SYT9: variants seen among roughly 807,000 people sequenced by gnomAD.
SYT9 encodes synaptotagmin-9.
SYT9 carries 22 observed loss-of-function variants against 48.4 expected under a neutral mutation model. The observed-to-expected ratio is 0.45, with a 90% CI of 0.32 to 0.65. The LOEUF (loss-of-function observed/expected upper bound fraction) is 0.65. Ranked by LOEUF, SYT9 falls within the 30% of genes least tolerant of loss-of-function variation. SYT9 has a pLI of 0.03. For synonymous variants in SYT9, 265 were observed against 245.0 expected, an observed-to-expected ratio of 1.08 and a Z score of -0.76; for missense variants, 577 against 622.0, an observed-to-expected ratio of 0.93 and a Z score of 0.77.
At chr11:7,400,819 A>G (rs180693399) in intron 3 of SYT9, among the ~76,000 whole-genome samples, 126 of 152,224 alleles carry the variant, frequency 8.3e-4, no homozygotes, top group African/African-American at 2.9e-3. Flanking sequence ...TCACCTAAAT[A>G]AAAAACAGTG....
chr11:7,399,782 G>A (rs562476525), intron 3 of SYT9, among the ~76,000 whole-genome samples: 9 of 147,382 alleles, frequency 6.1e-5, no homozygotes, highest in Admixed American at 1.4e-4. Context: ...TAAACTTGCC[G>A]TCACAGGCAA....
chr11:7,320,789 A>G (rs952011202), intron 3 of SYT9, among the ~76,000 whole-genome samples: 1 of 152,234 alleles, frequency 6.6e-6, no homozygotes, highest in Admixed American at 6.5e-5. Context: ...TGTAAAAATG[A>G]TGGTGTAATT....
intron 6 of SYT9, among the ~76,000 whole-genome samples, chr11:7,432,579 AAAAATATATATAC>A (rs1564902029): frequency 5.9e-3 from 42 of 7,142 alleles, no homozygotes; most frequent in South Asian, 0.026. Context: ...AAAAAAAAAA[AAAAATATATATAC>A]ATATATATAT....
intron 6 of SYT9, 42 bp from the exon 7 acceptor site, chr11:7,466,750 T>C (rs1176453721): frequency 4.4e-6 from 7 of 1,593,064 alleles, no homozygotes; most frequent in South Asian, 1.1e-5. Flanking sequence ...AAAAAATGTA[T>C]GAATGAAAGC....
At chr11:7,390,470 G>A (rs2134059657) in intron 3 of SYT9, among the ~76,000 whole-genome samples, 1 of 152,278 alleles carries the variant, frequency 6.6e-6, no homozygotes, top group Non-Finnish European at 1.5e-5. Context: ...TTAAGAAACG[G>A]TAGCAGTTAC....
chr11:7,459,706 G>T (rs1392854339), intron 6 of SYT9, among the ~76,000 whole-genome samples: 1 of 152,086 alleles, frequency 6.6e-6, no homozygotes, highest in Non-Finnish European at 1.5e-5. Flanking sequence ...GCTGGATCAG[G>T]GTAGGCACCA....
At chr11:7,299,755 T>A (rs1848883968) in intron 1 of SYT9, among the ~76,000 whole-genome samples, 1 of 152,150 alleles carries the variant, frequency 6.6e-6, no homozygotes, top group African/African-American at 2.4e-5. Context: ...CTCTTCTGGA[T>A]CCCCCACGAC....
At position 7,313,600 on chromosome 11, in the gene SYT9, G is replaced by A; in HGVS notation, c.703G>A (p.Glu235Lys). Residue 235 changes from glutamate to lysine, a missense_variant, in exon 3 of 7, where the codon GAG becomes AAG. Physicochemically the swap from Glu to Lys is moderately conservative, Grantham distance 56. Coordinates refer to ENST00000318881, the MANE Select transcript of SYT9 (RefSeq NM_175733.4). Reference sequence around the variant, plus strand: ...CATTTTAAAATATGACTGTGACTTAGAGCAGCTCATAGTGAAGATTCACAA... The same window carrying A: ...CATTTTAAAATATGACTGTGACTTAAAGCAGCTCATAGTGAAGATTCACAA... The part of the protein sequence containing the change: ...NFILKYDCDL[E>K]QLIVKIHKAV... 6.2e-7 allele frequency: 1 copy of A among 1,614,138 alleles called. No individual in the cohort carries two copies. Among genetic ancestry groups the A allele is most frequent in the African/African-American group, 1.3e-5 (1 of 75,028 alleles).
At chr11:7,442,853 C>A (rs1302499185) in intron 6 of SYT9, among the ~76,000 whole-genome samples, 32 of 150,676 alleles carry the variant, frequency 2.1e-4, no homozygotes, top group African/African-American at 5.9e-4. Context: ...TACATCCATT[C>A]AAAAAAAAAG....
chr11:7,433,414 A>T (rs1011150793), intron 6 of SYT9, among the ~76,000 whole-genome samples: 2 of 152,204 alleles, frequency 1.3e-5, no homozygotes, highest in African/African-American at 4.8e-5. Flanking sequence ...AACATTCTGA[A>T]TTTTTCTTCC....
At chr11:7,397,554 G>A (rs376325284) in intron 3 of SYT9, among the ~76,000 whole-genome samples, 32 of 152,148 alleles carry the variant, frequency 2.1e-4, no homozygotes, top group African/African-American at 7.7e-4. Context: ...CAACATCTAT[G>A]AAATATATAT....
Position 7,380,133 on chromosome 11 carries a change from A to G in SYT9, c.1045-35909A>G, listed in dbSNP as rs549323209. Among the ~76,000 whole-genome samples the G allele has an allele frequency of 1.0e-3, 156 of 152,304 alleles. 2 individuals are homozygous for G. The Middle Eastern group carries it at 0.017, about 17-fold the overall frequency. On this transcript the variant is annotated intron_variant, in intron 3 of 6. Transcript: ENST00000318881. Reference sequence around the variant, plus strand: ...CCATAAAAAGGAATGAGATCCTGTCATTTGCAACAACACAGATGGAACTGG... The same window carrying G: ...CCATAAAAAGGAATGAGATCCTGTCGTTTGCAACAACACAGATGGAACTGG...
At chr11:7,366,098 A>T (rs1022974540) in intron 3 of SYT9, among the ~76,000 whole-genome samples, 1 of 152,094 alleles carries the variant, frequency 6.6e-6, no homozygotes, top group Non-Finnish European at 1.5e-5. Flanking sequence ...TGACTCTCCA[A>T]TCCTGGCTCC....
intron 6 of SYT9, among the ~76,000 whole-genome samples, chr11:7,430,865 G>C (rs114587763): frequency 0.026 from 4,012 of 152,262 alleles, 197 homozygotes; most frequent in African/African-American, 0.092. Context: ...ACAGCCTGAA[G>C]AACTATAAGC....
chr11:7,398,541 C>G (rs1846805987), intron 3 of SYT9, among the ~76,000 whole-genome samples: 1 of 151,952 alleles, frequency 6.6e-6, no homozygotes, highest in African/African-American at 2.4e-5. Context: ...TCCCCAGTAG[C>G]TGGGACTACA....
Position 7,416,118 on chromosome 11 carries a change from T to C in SYT9, c.1121T>C (p.Ile374Thr), listed in dbSNP as rs1425522314. 6.2e-7 allele frequency: 1 copy of C among 1,614,082 alleles called. No individual in the cohort carries two copies. The highest frequency in any genetic ancestry group is 8.5e-7 in the Non-Finnish European group (1 of 1,180,024). The change falls in exon 4 of 7, where the codon ATA becomes ACA. Residue 374 changes from isoleucine (I) to threonine (T), a missense_variant. Transcript: ENST00000318881. ...PTAGRLTITIIKARNLKAMDI... is the reference protein window; with the variant it reads ...PTAGRLTITITKARNLKAMDI... ...GCTGGCAGGCTGACCATTACCATTA[T>C]AAAAGCAAGGAATTTAAAGGCAATG...
chr11:7,420,139 C>T (rs533910385), intron 5 of SYT9, among the ~76,000 whole-genome samples: 1 of 152,248 alleles, frequency 6.6e-6, no homozygotes, highest in South Asian at 2.1e-4. Context: ...TTGGTTGCCT[C>T]TTGTGGGAAT....
At chr11:7,452,408 A>T (rs1318366180) in intron 6 of SYT9, among the ~76,000 whole-genome samples, 1 of 152,156 alleles carries the variant, frequency 6.6e-6, no homozygotes, top group Non-Finnish European at 1.5e-5. Context: ...AGGTGTAGGT[A>T]CGTAAGTTGG....
At chr11:7,316,123 T>C (rs1288882712) in intron 3 of SYT9, among the ~76,000 whole-genome samples, 2 of 151,148 alleles carry the variant, frequency 1.3e-5, no homozygotes, top group African/African-American at 4.8e-5. Flanking sequence ...ATGATTCTCT[T>C]TTTATAATAT....
Sources: allele counts gnomAD v4.1 joint callset (sites outside exome capture counted in the v4.1 genomes callset), GRCh38; gene constraint gnomAD v4.1.1; transcripts MANE v1.5; gene names NCBI Gene and HGNC (gene_info 2026-07-23, HGNC 2026-07-21).